The following ESR2 variants were observed in gnomAD, a reference collection of about 807,000 sequenced individuals.
ESR2 encodes the protein estrogen receptor beta.
ESR2 carries 36 observed loss-of-function variants against 49.6 expected under a neutral mutation model. The observed-to-expected ratio is 0.73, with a 90% CI of 0.56 to 0.96. ESR2 has a LOEUF of 0.96. Ranked by LOEUF, ESR2 falls within the 40% of genes least tolerant of loss-of-function variation. ESR2 has a pLI of 0.00. For missense variants in ESR2, 714 were observed against 693.0 expected (o/e 1.03, Z -0.34); for synonymous variants, 320 against 266.1 (o/e 1.20, Z -1.97).
At position 64,286,604 on chromosome 14, in the gene ESR2, G is replaced by C. The variant is rs1428391706; in HGVS notation, c.-90-3529C>G. On this transcript the variant is annotated intron_variant, in intron 1 of 8. Coordinates refer to ENST00000341099, the MANE Select transcript of ESR2 (RefSeq NM_001437.3). Reference sequence around the variant, plus strand: ...AGCGAGAGCCACCAGCCAGAATTTTGTATTTTAATTACTTAGATTCCTGAT... The same window carrying C: ...AGCGAGAGCCACCAGCCAGAATTTTCTATTTTAATTACTTAGATTCCTGAT... Among the ~76,000 whole-genome samples, 3 of 151,758 alleles carry C rather than the reference G, an allele frequency of 2.0e-5. No homozygotes were observed. The East Asian group carries it at 5.9e-4, about 30-fold the overall frequency.
chr14:64,242,195 A>G (rs1253021005), intron 7 of ESR2, among the ~76,000 whole-genome samples: 1 of 152,090 alleles, frequency 6.6e-6, no homozygotes, highest in Non-Finnish European at 1.5e-5. Flanking sequence ...GGATCACCTG[A>G]GGTCAGCAGT....
At chr14:64,331,945 G>A (rs2077465784) in intron 1 of ESR2, among the ~76,000 whole-genome samples, 1 of 151,630 alleles carries the variant, frequency 6.6e-6, no homozygotes, top group Non-Finnish European at 1.5e-5. Flanking sequence ...GTGTCACTCA[G>A]CCACCATTTT....
chr14:64,236,473 C>A (rs995292132), intron 7 of ESR2, among the ~76,000 whole-genome samples: 1 of 152,130 alleles, frequency 6.6e-6, no homozygotes. Context: ...AAAAGCAGAT[C>A]TGCTCATGGG....
intron 3 of ESR2, 30 bp from the exon 4 acceptor site, chr14:64,268,941 T>C: frequency 1.6e-6 from 2 of 1,221,430 alleles, no homozygotes; most frequent in Non-Finnish European, 2.4e-6. Flanking sequence ...AAAAAAAGAT[T>C]ATTGCTATGA....
At chr14:64,279,914 C>T in intron 3 of ESR2, 67 bp downstream of exon 3, 1 of 1,353,174 alleles carries the variant, frequency 7.4e-7, no homozygotes, top group Admixed American at 1.7e-5. Flanking sequence ...TCTGCCAAGT[C>T]ATCTCTGCAA....
chr14:64,243,154 C>A (rs987422750), intron 7 of ESR2, among the ~76,000 whole-genome samples: 1 of 152,152 alleles, frequency 6.6e-6, no homozygotes, highest in African/African-American at 2.4e-5. Context: ...TGGTATTATT[C>A]CTTCCTCAAA....
At chr14:64,299,247 ATT>A (rs1299858825), upstream of ESR2, among the ~76,000 whole-genome samples, 1 of 151,916 alleles carries the variant, frequency 6.6e-6, no homozygotes, top group Non-Finnish European at 1.5e-5. Flanking sequence ...TATTTCAAAA[ATT>A]TTGACTAAAG....
chr14:64,291,946 A>G (rs2076877420), intron 1 of ESR2, among the ~76,000 whole-genome samples: 1 of 152,134 alleles, frequency 6.6e-6, no homozygotes, highest in South Asian at 2.1e-4. Context: ...TAAAAGAATG[A>G]TGCATTCTAT....
intron 1 of ESR2, among the ~76,000 whole-genome samples, chr14:64,326,260 T>C (rs1445054398): frequency 1.3e-5 from 2 of 152,134 alleles, no homozygotes; most frequent in African/African-American, 4.8e-5. Context: ...TCTTTTCTAC[T>C]GACTACTCCT....
intron 2 of ESR2, among the ~76,000 whole-genome samples, chr14:64,282,344 CA>C (rs1303560622): frequency 6.6e-6 from 1 of 151,490 alleles, no homozygotes; most frequent in Non-Finnish European, 1.5e-5. Context: ...GACCCTGTCT[CA>C]AAAAAAGAAA....
intron 7 of ESR2, among the ~76,000 whole-genome samples, chr14:64,237,567 G>T (rs576657144): frequency 6.6e-6 from 1 of 152,158 alleles, no homozygotes; most frequent in African/African-American, 2.4e-5. Flanking sequence ...GACAAAGATT[G>T]AAAATATAAA....
intron 7 of ESR2, among the ~76,000 whole-genome samples, chr14:64,247,275 T>A (rs959483937): frequency 1.3e-5 from 2 of 152,254 alleles, no homozygotes; most frequent in Non-Finnish European, 2.9e-5. Context: ...TGTTATATTT[T>A]GCAAAAGTAA....
intron 1 of ESR2, among the ~76,000 whole-genome samples, chr14:64,334,708 G>A (rs2077507413): frequency 6.6e-6 from 1 of 152,218 alleles, no homozygotes; most frequent in African/African-American, 2.4e-5. Flanking sequence ...GTGCAATGGT[G>A]CGATCTCAGC....
chr14:64,333,579 A>C (rs2077490078), intron 1 of ESR2, among the ~76,000 whole-genome samples: 1 of 152,234 alleles, frequency 6.6e-6, no homozygotes, highest in South Asian at 2.1e-4. Context: ...ACAGTTCCAC[A>C]TGGCTGGGGA....
intron 4 of ESR2, among the ~76,000 whole-genome samples, chr14:64,262,519 T>C (rs548897721): frequency 6.6e-6 from 1 of 152,336 alleles, no homozygotes; most frequent in Admixed American, 6.5e-5. Flanking sequence ...TCTAAGATTC[T>C]TTTTTGGGAA....
chr14:64,242,908 G>T (rs1319273192), intron 7 of ESR2, among the ~76,000 whole-genome samples: 1 of 152,194 alleles, frequency 6.6e-6, no homozygotes, highest in Non-Finnish European at 1.5e-5. Context: ...ATGGCAGAAG[G>T]TGAAAGGCAC....
chr14:64,279,893 G>A, intron 3 of ESR2, 88 bp downstream of exon 3: 1 of 1,052,076 alleles, frequency 9.5e-7, no homozygotes, highest in East Asian at 2.4e-5. Flanking sequence ...AAACAGGCCA[G>A]TAGTGACATT....
intron 3 of ESR2, among the ~76,000 whole-genome samples, chr14:64,277,981 A>C (rs1596446496): frequency 6.6e-6 from 1 of 151,726 alleles, no homozygotes; most frequent in Non-Finnish European, 1.5e-5. Context: ...AAAGCAAAAA[A>C]AAAAAAGAAG....
chr14:64,277,932 A>G (rs2076589167), intron 3 of ESR2, among the ~76,000 whole-genome samples: 1 of 151,600 alleles, frequency 6.6e-6, no homozygotes, highest in Non-Finnish European at 1.5e-5. Flanking sequence ...CTGTAGTCTC[A>G]GGGGTCAAAG....
Sources: allele counts gnomAD v4.1 joint callset (sites outside exome capture counted in the v4.1 genomes callset), GRCh38; gene constraint gnomAD v4.1.1; transcripts MANE v1.5; gene names NCBI Gene and HGNC (gene_info 2026-07-23, HGNC 2026-07-21).